The following FLT1 variants were observed in gnomAD, a reference collection of about 807,000 sequenced individuals.
FLT1 encodes fms related receptor tyrosine kinase 1.
Under a neutral mutation model 156.3 loss-of-function variants are expected in FLT1, and 49 were observed. The ratio of observed to expected loss-of-function variants is 0.31; its 90% CI spans 0.25 to 0.40. FLT1 has a LOEUF of 0.40. Among genes scored for constraint, FLT1 ranks in the 10% least tolerant of loss-of-function variants. The pLI, the probability that FLT1 is intolerant of heterozygous loss-of-function variation, is 1.00. For synonymous variants in FLT1, 594 were observed against 583.8 expected, an observed-to-expected ratio of 1.02 and a Z score of -0.25; for missense variants, 1,322 against 1,637.2, an observed-to-expected ratio of 0.81 and a Z score of 3.32.
At chr13:28,436,172 T>A (rs1320119949) in intron 4 of FLT1, among the ~76,000 whole-genome samples, 1 of 152,082 alleles carries the variant, frequency 6.6e-6, no homozygotes, top group Non-Finnish European at 1.5e-5. Context: ...CTGTAGCCCA[T>A]CAGCTGTGGC....
At chr13:28,351,715 C>T (rs564911046) in intron 15 of FLT1, among the ~76,000 whole-genome samples, 36 of 152,274 alleles carry the variant, frequency 2.4e-4, no homozygotes, top group East Asian at 1.9e-4. Context: ...TGTTACGTGA[C>T]GTTAGTTCTG....
Position 28,494,861 on chromosome 13 carries a change from C to G in FLT1, c.-18G>C, listed in dbSNP as rs761324873. 6.5e-7 allele frequency: 1 copy of G among 1,533,606 alleles called. No individual in the cohort carries two copies. The highest frequency in any genetic ancestry group is 1.2e-5 in the South Asian group (1 of 83,024). The allele number at this position is 1,533,606 out of a possible 1,614,324, so 95.0% of individuals were successfully genotyped here. A position where few individuals can be genotyped will look rare whatever the true frequency, so the allele number is the denominator to read the frequency against. On this transcript the variant is annotated 5_prime_UTR_variant, in exon 1 of 30. Coordinates refer to ENST00000282397, the MANE Select transcript of FLT1 (RefSeq NM_002019.4). ...CTGACCATGGTGAGCGCGACGCGGCCTGCTCGCCCGGTGCCCGCGCTCCCC... is the reference window on the plus strand; with the variant it reads ...CTGACCATGGTGAGCGCGACGCGGCGTGCTCGCCCGGTGCCCGCGCTCCCC...
At chr13:28,399,169 C>T in intron 11 of FLT1, 1 of 1,338,414 alleles carries the variant, frequency 7.5e-7, no homozygotes, top group Non-Finnish European at 1.0e-6. Context: ...CTTACATTGT[C>T]TCAGGAAGCT....
intron 14 of FLT1, among the ~76,000 whole-genome samples, chr13:28,365,154 G>A (rs932228125): frequency 1.3e-5 from 2 of 151,992 alleles, no homozygotes; most frequent in African/African-American, 4.8e-5. Flanking sequence ...GTATCTTTGA[G>A]TTATTTAGGT....
At chr13:28,414,850 A>C (rs1330625903) in intron 10 of FLT1, among the ~76,000 whole-genome samples, 5 of 152,170 alleles carry the variant, frequency 3.3e-5, no homozygotes, top group Admixed American at 3.3e-4. Flanking sequence ...TGCCATCTAC[A>C]CTTCAATCAA....
chr13:28,457,933 C>CTTTTTTTTTTTTTTTTTTTTT (rs894090277), intron 3 of FLT1, among the ~76,000 whole-genome samples: 8 of 114,208 alleles, frequency 7.0e-5, no homozygotes, highest in African/African-American at 1.5e-4. Flanking sequence ...CTTTCCTTTT[C>CTTTTTTTTTTTTTTTTTTTTT]TTTTTTTTTT....
chr13:28,384,294 C>G (rs1179411779), intron 14 of FLT1, among the ~76,000 whole-genome samples: 2 of 151,776 alleles, frequency 1.3e-5, no homozygotes, highest in African/African-American at 4.8e-5. Flanking sequence ...ATTAGCCTGG[C>G]ATGGTGACAG....
chr13:28,327,986 C>G (rs968868016), intron 19 of FLT1, among the ~76,000 whole-genome samples: 1 of 152,158 alleles, frequency 6.6e-6, no homozygotes, highest in Non-Finnish European at 1.5e-5. Flanking sequence ...ACCTGGCCGT[C>G]TCTCGCCAGC....
chr13:28,384,379 G>C (rs961666951), intron 14 of FLT1, among the ~76,000 whole-genome samples: 1 of 150,268 alleles, frequency 6.7e-6, no homozygotes, highest in African/African-American at 2.5e-5. Flanking sequence ...AACCCAGGAG[G>C]AGGAGGTTGC....
At chr13:28,334,269 T>G in intron 17 of FLT1, 140 bp from the exon 18 acceptor site, 1 of 746,132 alleles carries the variant, frequency 1.3e-6, no homozygotes, top group South Asian at 1.4e-5. Flanking sequence ...AGAGACAAAG[T>G]AAGGGACTTA....
chr13:28,431,354 A>G, intron 6 of FLT1, 44 bp from the exon 7 acceptor site: 1 of 1,371,484 alleles, frequency 7.3e-7, no homozygotes, highest in Non-Finnish European at 1.0e-6. Context: ...GTGAGTGTTC[A>G]TGCTTAAAGT....
intron 3 of FLT1, among the ~76,000 whole-genome samples, chr13:28,453,006 TCCCCTC>T (rs1314633936): frequency 2.6e-4 from 1 of 3,840 alleles, no homozygotes; most frequent in Non-Finnish European, 4.7e-4. Context: ...CTTCCTTTCC[TCCCCTC>T]CCCCTCCCCC....
chr13:28,326,760 A>G (rs946633499), intron 20 of FLT1, among the ~76,000 whole-genome samples: 4 of 152,108 alleles, frequency 2.6e-5, no homozygotes, highest in Admixed American at 1.3e-4. Flanking sequence ...TCCTGACCTC[A>G]CAAGATCCAC....
intron 10 of FLT1, among the ~76,000 whole-genome samples, chr13:28,417,148 G>A (rs926231519): frequency 3.3e-5 from 5 of 152,168 alleles, no homozygotes; most frequent in African/African-American, 1.2e-4. Context: ...CACTAGCCAG[G>A]TAGTGACTGC....
chr13:28,369,651 G>A (rs1439380377), intron 14 of FLT1, among the ~76,000 whole-genome samples: 1 of 152,188 alleles, frequency 6.6e-6, no homozygotes, highest in African/African-American at 2.4e-5. Flanking sequence ...CTAAGATCAA[G>A]CCTCATGGCA....
At chr13:28,396,655 A>T (rs562213763) in intron 12 of FLT1, 27 of 474,834 alleles carry the variant, frequency 5.7e-5, no homozygotes, top group South Asian at 5.0e-4. Context: ...ACTGCTATGT[A>T]CCAGACCCTG....
At chr13:28,320,845 T>A (rs1021598852) in intron 23 of FLT1, among the ~76,000 whole-genome samples, 4 of 152,070 alleles carry the variant, frequency 2.6e-5, no homozygotes, top group Non-Finnish European at 4.4e-5. Context: ...AGACATAAGC[T>A]TAACCCTCAG....
At position 28,300,521 on chromosome 13, in the gene FLT1, C is replaced by CCACACACACACACACACA. The variant is rs57419092; in HGVS notation, c.*2628_*2645dup. On this transcript the variant is annotated 3_prime_UTR_variant, in exon 30 of 30. Transcript: ENST00000282397. ...AGTTATGCACAAAACACACATACAC[C>CCACACACACACACACACA]CACACACACACACACACACACACAC... 5.1e-6 allele frequency: 1 copy of CCACACACACACACACACA among 196,134 alleles called. No individual in the cohort carries two copies. The highest frequency in any genetic ancestry group is 2.4e-5 in the African/African-American group (1 of 42,024). 12.1% of individuals were successfully genotyped at this position (196,134 alleles called of 1,614,324 possible). A position where few individuals can be genotyped will look rare whatever the true frequency, so the allele number is the denominator to read the frequency against.
chr13:28,427,038 G>T, intron 10 of FLT1, 121 bp downstream of exon 10: 2 of 918,480 alleles, frequency 2.2e-6, no homozygotes, highest in Non-Finnish European at 3.6e-6. Flanking sequence ...GGCAGGGAGA[G>T]CCTTTGCCTC....
Sources: allele counts gnomAD v4.1 joint callset (sites outside exome capture counted in the v4.1 genomes callset), GRCh38; gene constraint gnomAD v4.1.1; transcripts MANE v1.5; gene names NCBI Gene and HGNC (gene_info 2026-07-23, HGNC 2026-07-21).